Variants in DCAF10 observed in about 807,000 individuals in gnomAD.
DCAF10 encodes DDB1- and CUL4-associated factor 10.
Under a neutral mutation model 51.9 loss-of-function variants are expected in DCAF10, and 19 were observed. That is an observed-to-expected ratio of 0.37 (90% confidence interval 0.26 to 0.54). The LOEUF (loss-of-function observed/expected upper bound fraction) is 0.54. DCAF10 is among the 20% of genes least tolerant of loss of function. The probability of loss-of-function intolerance (pLI) is 0.87; values close to 1 mark genes in which losing one functional copy is unlikely to be tolerated. For synonymous variants in DCAF10, 291 were observed against 297.1 expected (o/e 0.98, Z 0.21); for missense variants, 510 against 730.6 (o/e 0.70, Z 3.48).
chr9:37,847,089 A>G (rs1247396991), intron 3 of DCAF10, among the ~76,000 whole-genome samples: 1 of 151,822 alleles, frequency 6.6e-6, no homozygotes, highest in East Asian at 1.9e-4. Context: ...CCCCACCTCT[A>G]CTAAAAATAC....
intron 3 of DCAF10, among the ~76,000 whole-genome samples, chr9:37,850,868 AT>A (rs1564048874): frequency 9.1e-4 from 75 of 82,034 alleles, no homozygotes; most frequent in Non-Finnish European, 1.5e-3. Context: ...ATATATATAT[AT>A]ATATATATAT....
At chr9:37,850,865 T>A (rs1321755298) in intron 3 of DCAF10, among the ~76,000 whole-genome samples, 8 of 85,096 alleles carry the variant, frequency 9.4e-5, no homozygotes, top group African/African-American at 1.5e-4. Context: ...TATATATATA[T>A]ATATATATAT....
intron 3 of DCAF10, among the ~76,000 whole-genome samples, chr9:37,850,878 A>G (rs181385223): frequency 0.023 from 2,148 of 93,980 alleles, 125 homozygotes; most frequent in African/African-American, 0.085. Context: ...ATATATATAT[A>G]TATAAATTAG....
chr9:37,828,126 GATCCTCCC>G, intron 2 of DCAF10, among the ~76,000 whole-genome samples: 1 of 152,198 alleles, frequency 6.6e-6, no homozygotes, highest in East Asian at 1.9e-4. Flanking sequence ...GACCTCAAGC[GATCCTCCC>G]ACCTCGGCCT....
intron 2 of DCAF10, among the ~76,000 whole-genome samples, chr9:37,821,348 G>A (rs909954716): frequency 6.6e-6 from 1 of 151,990 alleles, no homozygotes; most frequent in Non-Finnish European, 1.5e-5. Flanking sequence ...ATAAATTAAG[G>A]GATACGTTCC....
intron 1 of DCAF10, among the ~76,000 whole-genome samples, chr9:37,816,901 C>A (rs535719380): frequency 6.6e-6 from 1 of 152,022 alleles, no homozygotes; most frequent in Admixed American, 6.6e-5. Context: ...TTAACAGAAC[C>A]TGACATGGTA....
At chr9:37,847,059 G>C (rs1280437304) in intron 3 of DCAF10, among the ~76,000 whole-genome samples, 4 of 151,490 alleles carry the variant, frequency 2.6e-5, no homozygotes, top group Admixed American at 2.6e-4. Context: ...TTCAAGACCA[G>C]CCTGGCCAAC....
At chr9:37,857,624 T>C (rs981090984) in intron 5 of DCAF10, among the ~76,000 whole-genome samples, 1 of 152,134 alleles carries the variant, frequency 6.6e-6, no homozygotes, top group Non-Finnish European at 1.5e-5. Context: ...TTCAGAAATA[T>C]AGATTTCAAT....
intron 1 of DCAF10, among the ~76,000 whole-genome samples, chr9:37,814,079 ACTATAT>A (rs1829436412): frequency 2.0e-5 from 1 of 49,870 alleles, no homozygotes; most frequent in Admixed American, 2.7e-4. Context: ...ACTATTTGTC[ACTATAT>A]ATATATATAT....
chr9:37,816,699 A>C (rs1223624136), intron 1 of DCAF10, among the ~76,000 whole-genome samples: 1 of 125,938 alleles, frequency 7.9e-6, no homozygotes, highest in Non-Finnish European at 1.8e-5. Context: ...TGTATACATA[A>C]ATTGATATGT....
At chr9:37,823,922 C>T (rs542756471) in intron 2 of DCAF10, among the ~76,000 whole-genome samples, 25 of 146,316 alleles carry the variant, frequency 1.7e-4, no homozygotes, top group Non-Finnish European at 3.1e-4. Context: ...ACTATGTTGC[C>T]CAGGCTGGAG....
In DCAF10 at chr9:37,865,088, T is replaced by A. The variant is rs893101727; in HGVS notation, c.*3580T>A. On this transcript the variant is annotated 3_prime_UTR_variant, in exon 7 of 7. Transcript: ENST00000377724. ...TAGTATCTTCTGGATTTTTTTTTTT[T>A]AATTATAGAGCTAGCTTACCGTGTG... 9 of 152,054 alleles carry A rather than the reference T, an allele frequency of 5.9e-5. No homozygotes were observed. Among genetic ancestry groups the A allele is most frequent in the South Asian group, 2.1e-4 (1 of 4,812 alleles). 9.4% of individuals were successfully genotyped at this position (152,054 alleles called of 1,614,324 possible).
At chr9:37,843,228 G>T (rs755542387) in intron 3 of DCAF10, among the ~76,000 whole-genome samples, 5 of 152,004 alleles carry the variant, frequency 3.3e-5, no homozygotes, top group Non-Finnish European at 5.9e-5. Flanking sequence ...TGCTGCCCAG[G>T]CTGGTCTTGA....
intron 2 of DCAF10, among the ~76,000 whole-genome samples, chr9:37,832,613 CA>C (rs1830040831): frequency 6.6e-6 from 1 of 152,078 alleles, no homozygotes; most frequent in South Asian, 2.1e-4. Context: ...TCTTATCTTA[CA>C]AAGGATGCAG....
intron 1 of DCAF10, among the ~76,000 whole-genome samples, chr9:37,818,769 C>T (rs2119054467): frequency 6.6e-6 from 1 of 152,156 alleles, no homozygotes; most frequent in East Asian, 1.9e-4. Flanking sequence ...TTTTGGCAAC[C>T]ACCTTTTTTA....
At chr9:37,809,551 T>C (rs1341869327) in intron 1 of DCAF10, among the ~76,000 whole-genome samples, 11 of 152,138 alleles carry the variant, frequency 7.2e-5, no homozygotes, top group Admixed American at 3.3e-4. Flanking sequence ...AAGAGGGACA[T>C]AGGTCGGCAC....
intron 1 of DCAF10, among the ~76,000 whole-genome samples, chr9:37,811,245 T>C (rs1829338228): frequency 6.6e-6 from 1 of 152,016 alleles, no homozygotes; most frequent in African/African-American, 2.4e-5. Flanking sequence ...GGTGGGAGGA[T>C]TGTTTAAGCC....
chr9:37,861,059 T>C lies in DCAF10; in HGVS notation c.1312-81T>C. On this transcript the variant is annotated intron_variant, in intron 6 of 6. Coordinates refer to ENST00000377724, the MANE Select transcript of DCAF10 (RefSeq NM_024345.5). This position sits in a 1 kb window ranked among gnomAD's most constrained non-coding sequence, Gnocchi z 4.9. ...AAAATTCTGTGGCTTTGGCAATCTG[T>C]TGAGCTTTTTAAAAATAAGGAATAT... The C allele has an allele frequency of 6.0e-6, 9 of 1,496,760 alleles. No individual in the cohort carries two copies. The highest frequency in any genetic ancestry group is 8.0e-6 in the Non-Finnish European group (9 of 1,125,190). The allele number at this position is 1,496,760 out of a possible 1,614,324, so 92.7% of individuals were successfully genotyped here. A position where few individuals can be genotyped will look rare whatever the true frequency, so the allele number is the denominator to read the frequency against.
intron 2 of DCAF10, among the ~76,000 whole-genome samples, chr9:37,820,575 G>A (rs1347716631): frequency 6.6e-6 from 1 of 152,144 alleles, no homozygotes; most frequent in Non-Finnish European, 1.5e-5. Context: ...GCTATTGAAT[G>A]AAGCCACTTG....
Sources: allele counts gnomAD v4.1 joint callset (sites outside exome capture counted in the v4.1 genomes callset), GRCh38; gene constraint gnomAD v4.1.1; non-coding constraint Gnocchi (gnomAD v3.1); transcripts MANE v1.5; gene names NCBI Gene and HGNC (gene_info 2026-07-23, HGNC 2026-07-21).